Variants in SLC25A13 observed in about 807,000 individuals in gnomAD.
The protein encoded by SLC25A13 is electrogenic aspartate/glutamate antiporter SLC25A13, mitochondrial.
Under a neutral mutation model 85.5 loss-of-function variants are expected in SLC25A13, and 70 were observed. That is an observed-to-expected ratio of 0.82 (90% CI 0.68 to 1.00). The LOEUF is 1.00. SLC25A13 is among the 50% of genes least tolerant of loss of function. The pLI, the probability that SLC25A13 is intolerant of heterozygous loss-of-function variation, is 0.00. For synonymous variants in SLC25A13, 259 were observed against 288.7 expected, an observed-to-expected ratio of 0.90 and a Z score of 1.04; for missense variants, 765 against 819.8, an observed-to-expected ratio of 0.93 and a Z score of 0.82.
chr7:96,195,490 G>C (rs1795025655), intron 5 of SLC25A13, among the ~76,000 whole-genome samples: 1 of 152,096 alleles, frequency 6.6e-6, no homozygotes, highest in African/African-American at 2.4e-5. Context: ...TCTGGAGCTT[G>C]GGCTTGCAGT....
At chr7:96,234,230 T>C (rs896678837) in intron 4 of SLC25A13, among the ~76,000 whole-genome samples, 4 of 152,218 alleles carry the variant, frequency 2.6e-5, no homozygotes, top group Non-Finnish European at 2.9e-5. Flanking sequence ...CTAATTCCCA[T>C]GATGATGTTT....
chr7:96,316,583 T>C (rs1378046071), intron 1 of SLC25A13, among the ~76,000 whole-genome samples: 1 of 152,218 alleles, frequency 6.6e-6, no homozygotes, highest in Non-Finnish European at 1.5e-5. Context: ...AAATCAAGAC[T>C]GTAGCACTTA....
In SLC25A13 at chr7:96,120,886, G is replaced by A; in HGVS notation, c.*305C>T. 2.0e-6 allele frequency: 1 copy of A among 510,374 alleles called. No individual in the cohort carries two copies. 31.6% of individuals were successfully genotyped at this position (510,374 alleles called of 1,614,324 possible). A position where few individuals can be genotyped will look rare whatever the true frequency, so the allele number is the denominator to read the frequency against. Reference sequence around the variant, plus strand: ...CTACAATCCTAGTTCAAGGAGGGGAGTACTAATTTCTATTCTGACTTGCTC... The same window carrying A: ...CTACAATCCTAGTTCAAGGAGGGGAATACTAATTTCTATTCTGACTTGCTC... On this transcript the variant is annotated 3_prime_UTR_variant, in exon 18 of 18. Coordinates refer to ENST00000265631, the MANE Select transcript of SLC25A13 (RefSeq NM_014251.3).
chr7:96,222,904 A>C (rs2116768419), intron 4 of SLC25A13, among the ~76,000 whole-genome samples: 1 of 152,378 alleles, frequency 6.6e-6, no homozygotes, highest in South Asian at 2.1e-4. Context: ...GATTATCATT[A>C]CATTTTGAAG....
At chr7:96,148,937 C>T (rs989703605) in intron 13 of SLC25A13, among the ~76,000 whole-genome samples, 1 of 152,176 alleles carries the variant, frequency 6.6e-6, no homozygotes, top group East Asian at 1.9e-4. Context: ...CAAGACAGAG[C>T]CTTTACTCCA....
In SLC25A13 at chr7:96,321,702, T is replaced by C. The variant is rs114577678; in HGVS notation, c.15+240A>G. ...GCACCAACTTCCCTCCCCGGCCAAG[T>C]GGGAGTGTCCGGCCCACAAAGTTTC... On this transcript the variant is annotated intron_variant, in intron 1 of 17. Coordinates refer to ENST00000265631, the MANE Select transcript of SLC25A13 (RefSeq NM_014251.3). Among the ~76,000 whole-genome samples the C allele has an allele frequency of 9.6e-3, 1,460 of 152,252 alleles. 25 individuals are homozygous for C. The highest frequency in any genetic ancestry group is 0.034 in the African/African-American group (1,401 of 41,554).
At chr7:96,292,751 T>C (rs1043304067) in intron 2 of SLC25A13, among the ~76,000 whole-genome samples, 7 of 152,178 alleles carry the variant, frequency 4.6e-5, no homozygotes, top group African/African-American at 1.4e-4. Flanking sequence ...CAAGGAGAAC[T>C]GCAAATCACT....
chr7:96,125,787 T>C (rs965697924), intron 15 of SLC25A13, among the ~76,000 whole-genome samples: 6 of 149,320 alleles, frequency 4.0e-5, no homozygotes, highest in Admixed American at 2.7e-4. Context: ...ATTTTCCACA[T>C]GTCTAAATTT....
chr7:96,147,206 C>T (rs767425262), intron 13 of SLC25A13, among the ~76,000 whole-genome samples: 4 of 152,226 alleles, frequency 2.6e-5, no homozygotes, highest in Admixed American at 2.6e-4. Flanking sequence ...AAACTGCCAG[C>T]GAACACGTAA....
At chr7:96,207,430 C>T (rs935011600) in intron 5 of SLC25A13, among the ~76,000 whole-genome samples, 2 of 152,168 alleles carry the variant, frequency 1.3e-5, no homozygotes, top group African/African-American at 4.8e-5. Flanking sequence ...CCAGAGGGCT[C>T]TGGCAAGGTC....
rs1180711316 is a variant in SLC25A13 at position 96,233,209 on chromosome 7, A to AC, written c.328+1592dup. Among the ~76,000 whole-genome samples the AC allele has an allele frequency of 1.3e-5, 2 of 152,220 alleles. 1 individual carries two copies. Among genetic ancestry groups the AC allele is most frequent in the Admixed American group, 1.3e-4 (2 of 15,286 alleles). ...ACAAGACAGAACACACCTATGCTGA[A>AC]CATGCTTACACTCACAGGCTTTCCT... is the stretch of plus-strand genomic sequence containing the variant. On this transcript the variant is annotated intron_variant, in intron 4 of 17. Transcript: ENST00000265631.
At chr7:96,178,229 C>T (rs1477287705) in intron 11 of SLC25A13, among the ~76,000 whole-genome samples, 2 of 152,178 alleles carry the variant, frequency 1.3e-5, no homozygotes, top group Non-Finnish European at 2.9e-5. Context: ...GTTGAAGCCA[C>T]GCTGAGCGGC....
At chr7:96,232,807 A>G (rs773411548) in intron 4 of SLC25A13, among the ~76,000 whole-genome samples, 1 of 152,222 alleles carries the variant, frequency 6.6e-6, no homozygotes, top group Non-Finnish European at 1.5e-5. Context: ...CCCCGATTTT[A>G]GAGATGAGGA....
chr7:96,154,741 CT>C (rs1367214579), intron 13 of SLC25A13, among the ~76,000 whole-genome samples: 1 of 151,384 alleles, frequency 6.6e-6, no homozygotes, highest in African/African-American at 2.4e-5. Flanking sequence ...GTTTACTCAT[CT>C]TTTTCTTTTA....
At chr7:96,231,616 C>T (rs147404483) in intron 4 of SLC25A13, among the ~76,000 whole-genome samples, 3 of 151,602 alleles carry the variant, frequency 2.0e-5, no homozygotes, top group Admixed American at 6.6e-5. Context: ...CCCAGGCACT[C>T]GAGAAACTCA....
intron 9 of SLC25A13, among the ~76,000 whole-genome samples, chr7:96,185,656 C>G (rs559907154): frequency 6.6e-6 from 1 of 151,326 alleles, no homozygotes; most frequent in Non-Finnish European, 1.5e-5. Context: ...TTCAGGAGGC[C>G]GAGGTGGGTG....
intron 5 of SLC25A13, among the ~76,000 whole-genome samples, chr7:96,198,967 C>G (rs1341470403): frequency 6.6e-6 from 1 of 152,140 alleles, no homozygotes; most frequent in Admixed American, 6.5e-5. Context: ...GCTGAAGGTA[C>G]AGGTAGAAAT....
At chr7:96,285,370 T>A (rs1308333367) in intron 2 of SLC25A13, among the ~76,000 whole-genome samples, 1 of 152,192 alleles carries the variant, frequency 6.6e-6, no homozygotes, top group Admixed American at 6.5e-5. Flanking sequence ...CCCAATTACC[T>A]TTCCAATCCT....
intron 1 of SLC25A13, chr7:96,306,679 G>T: frequency 1.3e-6 from 1 of 745,948 alleles, no homozygotes; most frequent in Non-Finnish European, 2.1e-6. Context: ...CTCCTAGGAT[G>T]GGAGTACAGC....
Sources: allele counts gnomAD v4.1 joint callset (sites outside exome capture counted in the v4.1 genomes callset), GRCh38; gene constraint gnomAD v4.1.1; transcripts MANE v1.5; gene names NCBI Gene and HGNC (gene_info 2026-07-23, HGNC 2026-07-21).